Variants in TRPM1 observed in about 807,000 individuals in gnomAD.
The protein encoded by TRPM1 is TRPM1-203 APA Isoform, Intron 10.
A neutral mutation model predicts 149.4 loss-of-function variants in TRPM1; 113 were observed. That is an observed-to-expected ratio of 0.76 (90% CI 0.65 to 0.88). The LOEUF is 0.88. Among genes scored for constraint, TRPM1 ranks in the 40% least tolerant of loss-of-function variants. The pLI is 0.00. For missense variants in TRPM1, 1,976 were observed against 2,038.7 expected, an observed-to-expected ratio of 0.97 and a Z score of 0.59; for synonymous variants, 741 against 759.5, an observed-to-expected ratio of 0.98 and a Z score of 0.40.
chr15:31,160,916 C>G (rs1380686779), exon 1 of TRPM1: 2 of 1,535,428 alleles, frequency 1.3e-6, no homozygotes, highest in South Asian at 1.2e-5. Flanking sequence ...CTTCTGCGAC[C>G]CTGATGTGGA....
At chr15:31,146,576 T>C (rs1032526033) in intron 1 of TRPM1, among the ~76,000 whole-genome samples, 3 of 152,240 alleles carry the variant, frequency 2.0e-5, no homozygotes, top group African/African-American at 4.8e-5. Flanking sequence ...GTCAGCATGA[T>C]AATGAAGTTC....
intron 11 of TRPM1, among the ~76,000 whole-genome samples, chr15:31,053,722 G>A (rs908815286): frequency 6.6e-6 from 1 of 152,176 alleles, no homozygotes; most frequent in Non-Finnish European, 1.5e-5. Flanking sequence ...ATTACCGTGT[G>A]ATCAATGGTT....
At chr15:31,147,829 AGCT>A (rs1236079645) in intron 1 of TRPM1, among the ~76,000 whole-genome samples, 1 of 152,074 alleles carries the variant, frequency 6.6e-6, no homozygotes, top group Non-Finnish European at 1.5e-5. Context: ...CTGGGGATGG[AGCT>A]GCTTTAAAGG....
At position 31,096,158 on chromosome 15, in the gene TRPM1, G is replaced by T. The variant is rs11632661; in HGVS notation, c.-84+5499C>A. 1.1e-4 allele frequency among the ~76,000 whole-genome samples: 17 copies of T among 151,422 alleles called. No homozygotes were observed. The East Asian group carries it at 3.1e-3, about 28-fold the overall frequency. ...AAGAAGGAAGGAAGGGAGGGAGGAAGGGAGGGAAAAAGAGAGAAAGAAAGA... is the reference window on the plus strand; with the variant it reads ...AAGAAGGAAGGAAGGGAGGGAGGAATGGAGGGAAAAAGAGAGAAAGAAAGA... On this transcript the variant is annotated intron_variant, in intron 1 of 27. Transcript: ENST00000256552.
intron 1 of TRPM1, among the ~76,000 whole-genome samples, chr15:31,144,381 G>A (rs2036197298): frequency 6.6e-6 from 1 of 152,178 alleles, no homozygotes; most frequent in East Asian, 1.9e-4. Context: ...AGGCTGCAAT[G>A]AGCCATGACC....
At chr15:31,014,242 C>T (rs1405194101) in intron 27 of TRPM1, among the ~76,000 whole-genome samples, 2 of 152,184 alleles carry the variant, frequency 1.3e-5, no homozygotes, top group East Asian at 3.9e-4. Context: ...AACCCTTTGC[C>T]TGTAAATGTT....
At chr15:31,042,482 C>G (rs1025418600) in intron 16 of TRPM1, among the ~76,000 whole-genome samples, 1 of 152,172 alleles carries the variant, frequency 6.6e-6, no homozygotes, top group Non-Finnish European at 1.5e-5. Context: ...AACTTGCACC[C>G]CTGGGTCAGC....
At chr15:31,061,826 A>G (rs538312995) in intron 9 of TRPM1, among the ~76,000 whole-genome samples, 2 of 152,156 alleles carry the variant, frequency 1.3e-5, no homozygotes, top group South Asian at 2.1e-4. Flanking sequence ...CTGGGATTAC[A>G]GGTGCACGCC....
chr15:31,124,577 C>T (rs2035920041), intron 1 of TRPM1, among the ~76,000 whole-genome samples: 1 of 150,710 alleles, frequency 6.6e-6, no homozygotes, highest in Non-Finnish European at 1.5e-5. Flanking sequence ...TAGATGGAAC[C>T]CGGGAGGCGG....
chr15:31,043,494 G>A (rs977917308), intron 16 of TRPM1, among the ~76,000 whole-genome samples: 3 of 151,954 alleles, frequency 2.0e-5, no homozygotes, highest in Admixed American at 2.0e-4. Flanking sequence ...GCCCGGCCAC[G>A]ACTGACCCAA....
At chr15:31,008,653 T>C (rs987586763) in intron 27 of TRPM1, among the ~76,000 whole-genome samples, 8 of 152,282 alleles carry the variant, frequency 5.3e-5, no homozygotes, top group Admixed American at 1.3e-4. Flanking sequence ...CTTTGTCTGG[T>C]TTTGGTATCA....
Position 31,084,018 on chromosome 15 carries a change from A to G in TRPM1, c.-83-2580T>C, listed in dbSNP as rs1302181663. Among the ~76,000 whole-genome samples the G allele has an allele frequency of 2.6e-5, 4 of 152,120 alleles. No homozygotes were observed. The East Asian group carries it at 7.7e-4, about 29-fold the overall frequency. ...AGGGCTGGCTTGCAGGAAATGCTGG[A>G]GGTCGTCACAGCCGACCCCTCTCCT... On this transcript the variant is annotated intron_variant, in intron 1 of 27. Coordinates refer to ENST00000256552, the MANE Select transcript of TRPM1 (RefSeq NM_001252024.2).
At chr15:31,044,394 G>A (rs1005952246) in intron 16 of TRPM1, among the ~76,000 whole-genome samples, 4 of 152,130 alleles carry the variant, frequency 2.6e-5, no homozygotes, top group Admixed American at 1.3e-4. Context: ...AACAGAAAAA[G>A]GAAGTTGCTT....
chr15:31,049,567 G>A (rs2033886441), intron 12 of TRPM1, 58 bp from the exon 13 acceptor site: 45 of 1,604,456 alleles, frequency 2.8e-5, no homozygotes, highest in East Asian at 6.7e-5. Context: ...CAGGGGAGGG[G>A]GGCGACTGGA....
rs2034717439 is a variant in TRPM1, at chr15:31,077,118, A to C, written c.4-134T>G. ...GTCATCTGCAATAATGGTGGATGCA[A>C]GTCTTTAAGGATCTTAGCTCTAGTA... On this transcript the variant is annotated intron_variant, in intron 2 of 27. Coordinates refer to ENST00000256552, the MANE Select transcript of TRPM1 (RefSeq NM_001252024.2). The C allele has an allele frequency of 2.2e-5, 15 of 690,078 alleles. No homozygotes were observed. The South Asian group carries it at 2.3e-4, about 11-fold the overall frequency. The allele number at this position is 690,078 out of a possible 1,614,324, so 42.7% of individuals were successfully genotyped here.
chr15:31,055,984 G>T (rs898572575), intron 11 of TRPM1, among the ~76,000 whole-genome samples: 6 of 152,216 alleles, frequency 3.9e-5, no homozygotes, highest in African/African-American at 1.4e-4. Flanking sequence ...CTTAGATATT[G>T]CATCTGTGAG....
At chr15:31,041,803 A>G in intron 17 of TRPM1, 148 bp downstream of exon 17, 1 of 874,624 alleles carries the variant, frequency 1.1e-6, no homozygotes, top group South Asian at 1.5e-5. Context: ...AGAAAGAAAA[A>G]TGCTGACATG....
intron 1 of TRPM1, among the ~76,000 whole-genome samples, chr15:31,135,732 A>G (rs1431669344): frequency 6.6e-6 from 1 of 152,026 alleles, no homozygotes; most frequent in African/African-American, 2.4e-5. Flanking sequence ...ACAACAGCGT[A>G]TTGTGAAGAA....
rs183874979 is a variant in TRPM1 at position 31,158,366 on chromosome 15, G to A, written c.54+2540C>T. Among the ~76,000 whole-genome samples, 18 of 152,130 alleles carry A rather than the reference G, an allele frequency of 1.2e-4. No individual in the cohort carries two copies. In the East Asian group the frequency reaches 3.1e-3, roughly 26 times the overall value. ...AAGTAGGCTGGGCTCGGTGGCTCAC[G>A]CCTGTAATCCCAGCACTTTAGGAGG... On this transcript the variant is annotated intron_variant, in intron 1 of 26. Transcript: ENST00000542188.
Sources: allele counts gnomAD v4.1 joint callset (sites outside exome capture counted in the v4.1 genomes callset), GRCh38; gene constraint gnomAD v4.1.1; transcripts MANE v1.5; gene names NCBI Gene and HGNC (gene_info 2026-07-23, HGNC 2026-07-21).